DZIP1: variants seen among roughly 807,000 people sequenced by gnomAD.
DZIP1 encodes the protein DAZ interacting zinc finger protein 1.
Under a neutral mutation model 107.6 loss-of-function variants are expected in DZIP1, and 97 were observed. That is an observed-to-expected ratio of 0.90 (90% CI 0.77 to 1.07). The LOEUF (loss-of-function observed/expected upper bound fraction) is 1.07, where lower values mean the gene tolerates loss of function less well. Ranked by LOEUF, DZIP1 falls within the 50% of genes least tolerant of loss-of-function variation. The pLI is 0.00. For missense variants in DZIP1, 1,035 were observed against 1,063.6 expected (o/e 0.97, Z 0.37); for synonymous variants, 390 against 386.4 (o/e 1.01, Z -0.11).
rs754647383 is a variant in DZIP1 at position 95,578,942 on chromosome 13, T to C, written c.*3292A>G. 1 of 152,226 alleles carries C rather than the reference T, an allele frequency of 6.6e-6. No individual in the cohort carries two copies. The highest frequency in any genetic ancestry group is 1.5e-5 in the Non-Finnish European group (1 of 68,070). 9.4% of individuals were successfully genotyped at this position (152,226 alleles called of 1,614,324 possible). On this transcript the variant is annotated 3_prime_UTR_variant, in exon 23 of 23. Coordinates refer to ENST00000376829, the MANE Select transcript of DZIP1 (RefSeq NM_198968.4). ...GGGCTGAGGCGTCCCTGGCACGGAATGCAGAGCCCTGAGCTAGGGCATCAG... is the reference window on the plus strand; with the variant it reads ...GGGCTGAGGCGTCCCTGGCACGGAACGCAGAGCCCTGAGCTAGGGCATCAG...
intron 15 of DZIP1, 141 bp from the exon 16 acceptor site, chr13:95,594,227 A>G: frequency 1.5e-6 from 1 of 682,654 alleles, no homozygotes; most frequent in Non-Finnish European, 2.4e-6. Context: ...TATTTTAGTC[A>G]CTCAGCACAA....
At position 95,582,279 on chromosome 13, in the gene DZIP1, G is replaced by T. The variant is rs1487615831; in HGVS notation, c.2559C>A (p.Ser853Arg). The T allele has an allele frequency of 6.2e-7, 1 of 1,614,040 alleles. No homozygotes were observed. Among genetic ancestry groups the T allele is most frequent in the Non-Finnish European group, 8.5e-7 (1 of 1,180,014 alleles). ...LQENESSTLK[S>R]SLVTVTDWSD... ...TCCAATCAGTCACAGTTACTAAGCT[G>T]CTTTTTAATGTGCTTGATTCATTTT... The change falls in exon 23 of 23, where the codon AGC (serine) becomes AGA (arginine). Residue 853 changes from serine (S) to arginine (R), a missense_variant. Physicochemically the swap from Ser to Arg is moderately radical, Grantham distance 110 (BLOSUM62 -1). Coordinates refer to ENST00000376829, the MANE Select transcript of DZIP1 (RefSeq NM_198968.4).
chr13:95,590,013 C>T, intron 17 of DZIP1, 81 bp from the exon 18 acceptor site: 3 of 1,496,914 alleles, frequency 2.0e-6, no homozygotes, highest in Middle Eastern at 3.5e-4. Flanking sequence ...TATAATACCC[C>T]CTATGCTGCT....
intron 10 of DZIP1, among the ~76,000 whole-genome samples, chr13:95,616,232 G>A (rs1046718083): frequency 2.0e-5 from 3 of 152,154 alleles, no homozygotes; most frequent in Admixed American, 1.3e-4. Context: ...TCATTGCCAC[G>A]GGGGAAGCTC....
intron 10 of DZIP1, among the ~76,000 whole-genome samples, chr13:95,612,837 G>C (rs1205166799): frequency 6.6e-6 from 1 of 152,092 alleles, no homozygotes; most frequent in East Asian, 1.9e-4. Flanking sequence ...CACCCGCCTT[G>C]GCCTCTCAAA....
intron 10 of DZIP1, among the ~76,000 whole-genome samples, chr13:95,614,332 A>G (rs1428849110): frequency 1.3e-5 from 2 of 152,120 alleles, no homozygotes; most frequent in Admixed American, 6.5e-5. Flanking sequence ...CTTTCACTAC[A>G]TCTTTACAGG....
In DZIP1 at chr13:95,579,794, C is replaced by G. The variant is rs942022282; in HGVS notation, c.*2440G>C. On this transcript the variant is annotated 3_prime_UTR_variant, in exon 23 of 23. Coordinates refer to ENST00000376829, the MANE Select transcript of DZIP1 (RefSeq NM_198968.4). ...AAATATCTTTTGCAGAAATACAAAT[C>G]AACTGAAAGACATGAAGGTAGATTA... The G allele has an allele frequency of 1.3e-5, 2 of 152,150 alleles. No homozygotes were observed. Among genetic ancestry groups the G allele is most frequent in the African/African-American group, 4.8e-5 (2 of 41,434 alleles). 9.4% of individuals were successfully genotyped at this position (152,150 alleles called of 1,614,324 possible).
Position 95,642,170 on chromosome 13 carries a change from T to A in DZIP1, c.-141A>T. On this transcript the variant is annotated 5_prime_UTR_variant, in exon 4 of 23. Transcript: ENST00000376829. The stretch of plus-strand genomic sequence containing the variant: ...GGTCTGGGCGTCCAGGACGTTGCTA[T>A]AGCAGCGCCCAGGTCCGGACCTGGA... 2 of 1,154,152 alleles carry A rather than the reference T, an allele frequency of 1.7e-6. No homozygotes were observed. The highest frequency in any genetic ancestry group is 2.3e-6 in the Non-Finnish European group (2 of 860,984). The allele number at this position is 1,154,152 out of a possible 1,614,324, so 71.5% of individuals were successfully genotyped here.
chr13:95,584,400 G>A (rs1380255108), intron 22 of DZIP1, among the ~76,000 whole-genome samples: 1 of 152,054 alleles, frequency 6.6e-6, no homozygotes, highest in Non-Finnish European at 1.5e-5. Flanking sequence ...GGAGGCTGAG[G>A]TGGGAGGGCT....
chr13:95,633,304 CT>C lies in DZIP1; in HGVS notation c.614del (p.Lys205ArgfsTer4). Reference sequence around the variant, plus strand: ...GTAGAAAAGCTTGGTTCATAAAGGCCTTGTCACAAAAATGGCACTGAAAAGG... The same window carrying C: ...GTAGAAAAGCTTGGTTCATAAAGGCCTGTCACAAAAATGGCACTGAAAAGG... ...ANYYQCHFCD[K>X]AFMNQAFLQS... On this transcript the variant is annotated frameshift_variant, in exon 6 of 23. Transcript: ENST00000376829. LOFTEE classifies it high-confidence loss of function. 6.2e-7 allele frequency: 1 copy of C among 1,614,086 alleles called. No individual in the cohort carries two copies.
chr13:95,606,783 C>A (rs554796428), intron 13 of DZIP1, among the ~76,000 whole-genome samples: 1 of 152,334 alleles, frequency 6.6e-6, no homozygotes, highest in South Asian at 2.1e-4. Context: ...AATTTAGGCA[C>A]AGCCTGTGGA....
At chr13:95,626,303 T>A (rs1010837950) in intron 7 of DZIP1, among the ~76,000 whole-genome samples, 24 of 152,064 alleles carry the variant, frequency 1.6e-4, no homozygotes, top group Admixed American at 1.6e-3. Flanking sequence ...CAAAATTTGG[T>A]TCTTTACAAA....
intron 6 of DZIP1, among the ~76,000 whole-genome samples, chr13:95,631,399 G>A (rs1032251444): frequency 6.6e-6 from 1 of 152,078 alleles, no homozygotes; most frequent in African/African-American, 2.4e-5. Flanking sequence ...CCCAGGAGAA[G>A]GAGGTTGCAG....
intron 7 of DZIP1, among the ~76,000 whole-genome samples, chr13:95,628,188 G>A (rs1318385823): frequency 1.3e-5 from 2 of 151,930 alleles, no homozygotes; most frequent in Admixed American, 6.6e-5. Flanking sequence ...GACCACAAGC[G>A]CATGCCACCA....
chr13:95,627,187 G>C (rs114010836), intron 7 of DZIP1, among the ~76,000 whole-genome samples: 254 of 152,342 alleles, frequency 1.7e-3, no homozygotes, highest in African/African-American at 5.6e-3. Flanking sequence ...ATGGAATTGA[G>C]AATCCAGAGA....
intron 5 of DZIP1, among the ~76,000 whole-genome samples, chr13:95,636,474 T>C (rs372285066): frequency 8.6e-5 from 12 of 140,104 alleles, no homozygotes; most frequent in African/African-American, 3.2e-4. Context: ...ACCTGGGAGG[T>C]GGAGGTTGCA....
At chr13:95,638,679 A>G (rs1313996839) in intron 5 of DZIP1, among the ~76,000 whole-genome samples, 3 of 151,856 alleles carry the variant, frequency 2.0e-5, no homozygotes, top group African/African-American at 4.8e-5. Flanking sequence ...CCCATGGGGG[A>G]AAAAACCCAT....
Position 95,619,866 on chromosome 13 carries a change from A to C in DZIP1, c.1173+19T>G. 1 of 1,612,932 alleles carries C rather than the reference A, an allele frequency of 6.2e-7. No homozygotes were observed. The highest frequency in any genetic ancestry group is 8.5e-7 in the Non-Finnish European group (1 of 1,179,568). On this transcript the variant is annotated intron_variant, in intron 10 of 22. Coordinates refer to ENST00000376829, the MANE Select transcript of DZIP1 (RefSeq NM_198968.4). ...TTTAAAAAATGGCCCACTTTAGGCC[A>C]CTGGTTTCTTAACCTTACCCGACCC...
rs902562299 is a variant in DZIP1, at chr13:95,581,458, G to A, written c.*776C>T. 1 of 152,308 alleles carries A rather than the reference G, an allele frequency of 6.6e-6. No individual in the cohort carries two copies. Among genetic ancestry groups the A allele is most frequent in the Non-Finnish European group, 1.5e-5 (1 of 68,024 alleles). The allele number at this position is 152,308 out of a possible 1,614,324, so 9.4% of individuals were successfully genotyped here. On this transcript the variant is annotated 3_prime_UTR_variant, in exon 23 of 23. Coordinates refer to ENST00000376829, the MANE Select transcript of DZIP1 (RefSeq NM_198968.4). ...TTATTCATAAAATATCCAAGATAAA[G>A]AATATGCTATATAAAATAACCAACC... is the stretch of plus-strand genomic sequence containing the variant.
Sources: gnomAD v4.1 joint callset for allele counts (sites outside exome capture counted in the v4.1 genomes callset) on GRCh38, gnomAD v4.1.1 for gene constraint, MANE v1.5 for transcripts, NCBI Gene and HGNC (gene_info 2026-07-23, HGNC 2026-07-21) for gene names.